Variants in PPP6R1 observed in about 807,000 individuals in gnomAD.
PPP6R1 encodes serine/threonine-protein phosphatase 6 regulatory subunit 1.
In PPP6R1, 39 loss-of-function variants were observed where a neutral mutation model predicts 104.6. That is an observed-to-expected ratio of 0.37 (90% CI 0.29 to 0.49). PPP6R1 has a LOEUF of 0.49. Among genes scored for constraint, PPP6R1 ranks in the 20% least tolerant of loss-of-function variants. The pLI, the probability that PPP6R1 is intolerant of heterozygous loss-of-function variation, is 0.98. For synonymous variants in PPP6R1, 549 were observed against 479.0 expected, an observed-to-expected ratio of 1.15 and a Z score of -1.91; for missense variants, 1,181 against 1,155.8, an observed-to-expected ratio of 1.02 and a Z score of -0.32.
In PPP6R1 at chr19:55,241,209, T is replaced by C. The variant is rs1230448720; in HGVS notation, c.1161+30A>G. On this transcript the variant is annotated intron_variant, in intron 9 of 23. Transcript: ENST00000412770. This position sits in a 1 kb window ranked among gnomAD's most constrained non-coding sequence, Gnocchi z 5.4. Reference sequence around the variant, plus strand: ...CCAGTCCAGTCCCCGCCCCAGCCCCTGAACCCCCAGCCCGGTCCAGTCCCC... The same window carrying C: ...CCAGTCCAGTCCCCGCCCCAGCCCCCGAACCCCCAGCCCGGTCCAGTCCCC... 72 of 682,464 alleles carry C rather than the reference T, an allele frequency of 1.1e-4. No individual in the cohort carries two copies. Among genetic ancestry groups the C allele is most frequent in the Non-Finnish European group, 1.4e-4 (71 of 518,384 alleles). 42.3% of individuals were successfully genotyped at this position (682,464 alleles called of 1,614,324 possible).
intron 1 of PPP6R1, among the ~76,000 whole-genome samples, chr19:55,257,274 T>C (rs1275864452): frequency 1.3e-5 from 2 of 152,150 alleles, no homozygotes; most frequent in African/African-American, 4.8e-5. Context: ...CGCTAACAGT[T>C]AGACCCTCGC....
rs1169066599 is a variant in PPP6R1 at position 55,231,642 on chromosome 19, G to A, written c.2333C>T (p.Ala778Val). 6 of 1,611,056 alleles carry A rather than the reference G, an allele frequency of 3.7e-6. No homozygotes were observed. Among genetic ancestry groups the A allele is most frequent in the Non-Finnish European group, 4.2e-6 (5 of 1,178,580 alleles). Residue 778 changes from alanine to valine, a missense_variant, in exon 20 of 24, where the codon GCA (alanine) becomes GTA (valine). Physicochemically the swap from Ala to Val is moderately conservative, Grantham distance 64. This residue lies in a region of PPP6R1 where 1,042 missense variants were observed against 955.6 expected (regional missense o/e 1.09). Transcript: ENST00000412770. ...LRSQDPTPPSAPQEATEGSKV... is the reference protein window; with the variant it reads ...LRSQDPTPPSVPQEATEGSKV... Reference sequence around the variant, plus strand: ...GCTGCCTTCTGTGGCTTCCTGAGGTGCTGAGGGGGGTGTGGGGTCCTGAGA... The same window carrying A: ...GCTGCCTTCTGTGGCTTCCTGAGGTACTGAGGGGGGTGTGGGGTCCTGAGA...
At position 55,240,042 on chromosome 19, in the gene PPP6R1, C is replaced by T. The variant is rs752802241; in HGVS notation, c.1434G>A (p.Thr478=). The T allele has an allele frequency of 1.1e-5, 18 of 1,603,340 alleles. No individual in the cohort carries two copies. In the Admixed American group the frequency reaches 1.9e-4, roughly 17 times the overall value. The part of the protein sequence containing the change: ...TRVAGALVQN[T]EKGPNAEQLR... ...GCTGCTCTGCATTGGGCCCCTTCTC[C>T]GTGTTCTGCACCAGGGCACCGGCCA... The change falls in exon 12 of 24, where the codon ACG becomes ACA. Residue 478 remains threonine, a synonymous_variant. Coordinates refer to ENST00000412770, the MANE Select transcript of PPP6R1 (RefSeq NM_014931.4).
intron 21 of PPP6R1, 132 bp from the exon 22 acceptor site, chr19:55,231,016 CGA>C: frequency 1.3e-6 from 1 of 765,864 alleles, no homozygotes; most frequent in East Asian, 2.7e-5. Flanking sequence ...AGGGGCCTCC[CGA>C]GGACGCAGCT....
Position 55,231,867 on chromosome 19 carries a change from A to G in PPP6R1, c.2241T>C (p.Ser747=), listed in dbSNP as rs1199724936. Residue 747 remains serine (S), a synonymous_variant, in exon 19 of 24, where the codon AGT becomes AGC. Coordinates refer to ENST00000412770, the MANE Select transcript of PPP6R1 (RefSeq NM_014931.4). ...TCTGAGTGGGGAGGCCCTGGGGCAC[A>G]CTGAGGGGCCCCTGTGGGGCTGGAG... ...TGPPAPQGPL[S]VPQGLPTQSL... The G allele has an allele frequency of 6.7e-7, 1 of 1,501,984 alleles. No homozygotes were observed. The allele number at this position is 1,501,984 out of a possible 1,614,324, so 93.0% of individuals were successfully genotyped here.
chr19:55,244,175 A>C (rs2087485221), intron 5 of PPP6R1, among the ~76,000 whole-genome samples: 1 of 152,194 alleles, frequency 6.6e-6, no homozygotes, highest in Non-Finnish European at 1.5e-5. Flanking sequence ...GGGTCCTCAC[A>C]GGGACAGGCC....
chr19:55,243,080 C>T (rs748715562), intron 5 of PPP6R1, among the ~76,000 whole-genome samples: 20 of 152,276 alleles, frequency 1.3e-4, no homozygotes, highest in Middle Eastern at 6.8e-3. Context: ...AGGGTCTCGG[C>T]TGGGTGTGAT....
chr19:55,255,907 G>C (rs1173011606), intron 1 of PPP6R1: 1 of 152,328 alleles, frequency 6.6e-6, no homozygotes, highest in Non-Finnish European at 1.5e-5. Context: ...CAGCATGTGA[G>C]CCTCGGCTCT....
intron 1 of PPP6R1, among the ~76,000 whole-genome samples, chr19:55,254,513 C>T (rs565238426): frequency 2.6e-5 from 4 of 152,260 alleles, no homozygotes; most frequent in Admixed American, 1.3e-4. Flanking sequence ...CACTGCTGCA[C>T]GTATCCGCCC....
Sources: gnomAD v4.1 joint callset for allele counts (sites outside exome capture counted in the v4.1 genomes callset) on GRCh38, gnomAD v4.1.1 for gene constraint, gnomAD v4.1.1 regional missense constraint, Gnocchi (gnomAD v3.1) non-coding constraint, MANE v1.5 for transcripts, NCBI Gene and HGNC (gene_info 2026-07-23, HGNC 2026-07-21) for gene names.